The following NGEF variants were observed in gnomAD, a reference collection of about 807,000 sequenced individuals.
The protein encoded by NGEF is ephexin-1.
In NGEF, 31 loss-of-function variants were observed where a neutral mutation model predicts 80.9. That is an observed-to-expected ratio of 0.38 (90% confidence interval 0.29 to 0.52). NGEF has a LOEUF of 0.52. Ranked by LOEUF, NGEF falls within the 20% of genes least tolerant of loss-of-function variation. The probability of loss-of-function intolerance (pLI) is 0.84; values close to 1 mark genes in which losing one functional copy is unlikely to be tolerated. For missense variants in NGEF, 709 were observed against 926.2 expected, an observed-to-expected ratio of 0.77 and a Z score of 3.04; for synonymous variants, 371 against 370.2, an observed-to-expected ratio of 1.00 and a Z score of -0.03.
chr2:232,892,808 G>T lies in NGEF; in HGVS notation c.1142+90C>A, dbSNP rs1691924356. 1 of 1,383,036 alleles carries T rather than the reference G, an allele frequency of 7.2e-7. No individual in the cohort carries two copies. Among genetic ancestry groups the T allele is most frequent in the African/African-American group, 1.4e-5 (1 of 70,264 alleles). The allele number at this position is 1,383,036 out of a possible 1,614,324, so 85.7% of individuals were successfully genotyped here. On this transcript the variant is annotated intron_variant, in intron 7 of 14. Coordinates refer to ENST00000264051, the MANE Select transcript of NGEF (RefSeq NM_019850.3). This position sits in a 1 kb window ranked among gnomAD's most constrained non-coding sequence, Gnocchi z 4.0. Reference sequence around the variant, plus strand: ...GAACGCAGAGGTAAAGGACCATGAAGTGTCACCGTGTAAGGAGCCTGGGCC... The same window carrying T: ...GAACGCAGAGGTAAAGGACCATGAATTGTCACCGTGTAAGGAGCCTGGGCC...
At chr2:232,909,229 TTGAGTTTTATCTAGATGGTAA>T (rs1692642152) in intron 5 of NGEF, among the ~76,000 whole-genome samples, 1 of 152,240 alleles carries the variant, frequency 6.6e-6, no homozygotes, top group South Asian at 2.1e-4. Flanking sequence ...AAGTATCCCT[TTGAGTTTTATCTAGATGGTAA>T]TAGTGTACTC....
intron 3 of NGEF, among the ~76,000 whole-genome samples, chr2:232,963,413 T>C (rs1279737343): frequency 6.6e-6 from 1 of 151,942 alleles, no homozygotes; most frequent in Non-Finnish European, 1.5e-5. Flanking sequence ...GCAGAGTATC[T>C]TCATGACTTC....
chr2:232,920,452 T>C lies in NGEF; in HGVS notation c.660A>G (p.Glu220=), dbSNP rs1309075389. ...ASEDTPEEEE[E]EEEEEEPASP... is the part of the protein sequence containing the mutation. ...TGGCCGGCTCCTCCTCCTCCTCCTCTTCTTCTTCCTCCTCCGGGGTGTCCT... is the reference window on the plus strand; with the variant it reads ...TGGCCGGCTCCTCCTCCTCCTCCTCCTCTTCTTCCTCCTCCGGGGTGTCCT... The change falls in exon 5 of 15, where the codon GAA becomes GAG. Residue 220 remains glutamate, a synonymous_variant. Coordinates refer to ENST00000264051, the MANE Select transcript of NGEF (RefSeq NM_019850.3). 13 of 1,612,754 alleles carry C rather than the reference T, an allele frequency of 8.1e-6. No homozygotes were observed. The highest frequency in any genetic ancestry group is 2.3e-5 in the East Asian group (1 of 44,250).
At chr2:232,879,858 T>A (rs143461460) in intron 14 of NGEF, among the ~76,000 whole-genome samples, 179 bp from the exon 15 acceptor site, 2 of 152,252 alleles carry the variant, frequency 1.3e-5, no homozygotes, top group Non-Finnish European at 1.5e-5. Context: ...GTCACCCCCA[T>A]AAGCTGGGAG....
intron 3 of NGEF, among the ~76,000 whole-genome samples, chr2:232,936,201 T>C (rs1693320428): frequency 1.3e-5 from 2 of 152,224 alleles, no homozygotes; most frequent in African/African-American, 2.4e-5. Flanking sequence ...ATAAATTGTT[T>C]TGTTGTGTGG....
intron 7 of NGEF, among the ~76,000 whole-genome samples, chr2:232,891,964 AGG>A (rs1432850649): frequency 0.022 from 346 of 15,424 alleles, 5 homozygotes; most frequent in Middle Eastern, 0.043. Flanking sequence ...GCATGTCAGC[AGG>A]GATGGCAGGG....
At chr2:232,901,266 C>T (rs76800357) in intron 5 of NGEF, 58,901 of 633,658 alleles carry the variant, frequency 0.093, 2,874 homozygotes, top group South Asian at 0.21. Flanking sequence ...TGTCTGTCCT[C>T]GGAGTCCCAC....
intron 3 of NGEF, among the ~76,000 whole-genome samples, chr2:232,943,766 A>T (rs1458565977): frequency 2.0e-5 from 3 of 150,038 alleles, no homozygotes; most frequent in Non-Finnish European, 3.0e-5. Flanking sequence ...AAGTGCTGGG[A>T]TTACAGGCGT....
intron 4 of NGEF, 96 bp downstream of exon 4, chr2:232,926,948 T>G: frequency 6.6e-7 from 1 of 1,512,642 alleles, no homozygotes; most frequent in Admixed American, 1.8e-5. Flanking sequence ...GTCCTTCGTA[T>G]GAAACACAAC....
intron 4 of NGEF, among the ~76,000 whole-genome samples, chr2:232,921,063 A>G (rs1023035448): frequency 2.6e-5 from 4 of 152,182 alleles, no homozygotes; most frequent in African/African-American, 9.7e-5. Flanking sequence ...CATTTCATCA[A>G]TCTTATGATT....
intron 1 of NGEF, among the ~76,000 whole-genome samples, chr2:232,996,427 G>A (rs1258738078): frequency 6.6e-6 from 1 of 152,146 alleles, no homozygotes; most frequent in African/African-American, 2.4e-5. Context: ...TCTACCGAGG[G>A]CTGTTATGAG....
In NGEF at chr2:232,996,195, G is replaced by A. The variant is rs375288102; in HGVS notation, c.-75+16873C>T. Among the ~76,000 whole-genome samples, 395 of 152,214 alleles carry A rather than the reference G, an allele frequency of 2.6e-3. 3 individuals are homozygous for A. Among genetic ancestry groups the A allele is most frequent in the African/African-American group, 9.0e-3 (375 of 41,522 alleles). The stretch of plus-strand genomic sequence containing the variant: ...ATACAAAAATTAGCCGGGTGTGGTA[G>A]CACACATCTGTAATTCCAGCTACTC... On this transcript the variant is annotated intron_variant, in intron 1 of 14. Transcript: ENST00000264051.
intron 11 of NGEF, 45 bp from the exon 12 acceptor site, chr2:232,883,511 C>T (rs753317295): frequency 2.0e-6 from 3 of 1,497,388 alleles, no homozygotes; most frequent in Non-Finnish European, 1.8e-6. Flanking sequence ...CCGAGGAGGC[C>T]TGTGGGGGTC....
chr2:233,004,751 A>G (rs1489484622), intron 1 of NGEF, among the ~76,000 whole-genome samples: 1 of 142,378 alleles, frequency 7.0e-6, no homozygotes, highest in Non-Finnish European at 1.5e-5. Flanking sequence ...CTCACCCCCC[A>G]TCGCTGAGAA....
chr2:232,899,880 G>T (rs1443203719), intron 5 of NGEF, among the ~76,000 whole-genome samples: 10 of 107,708 alleles, frequency 9.3e-5, no homozygotes, highest in African/African-American at 3.7e-4. Flanking sequence ...TCATATACAC[G>T]TTCACTCACA....
intron 3 of NGEF, among the ~76,000 whole-genome samples, chr2:232,954,013 C>A (rs1369208537): frequency 3.3e-5 from 5 of 152,116 alleles, no homozygotes; most frequent in Non-Finnish European, 7.4e-5. Context: ...TGTTTTAGAG[C>A]CACTAACTAT....
At chr2:232,901,435 T>A (rs1301665633) in intron 5 of NGEF, 2 of 985,476 alleles carry the variant, frequency 2.0e-6, no homozygotes, top group Non-Finnish European at 2.4e-6. Flanking sequence ...TTTGGGTTGT[T>A]TTTTTGGCTT....
intron 5 of NGEF, among the ~76,000 whole-genome samples, chr2:232,898,832 G>C (rs1160436884): frequency 6.6e-6 from 1 of 152,226 alleles, no homozygotes; most frequent in Non-Finnish European, 1.5e-5. Context: ...GGGCGAGTGG[G>C]AATGAGTGTA....
At chr2:232,901,393 C>G (rs992506955) in intron 5 of NGEF, 1 of 985,500 alleles carries the variant, frequency 1.0e-6, no homozygotes, top group Non-Finnish European at 1.2e-6. Flanking sequence ...CAGGGTTCGC[C>G]GTGGACCTCT....
Sources: allele counts gnomAD v4.1 joint callset (sites outside exome capture counted in the v4.1 genomes callset), GRCh38; gene constraint gnomAD v4.1.1; non-coding constraint Gnocchi (gnomAD v3.1); transcripts MANE v1.5; gene names NCBI Gene and HGNC (gene_info 2026-07-23, HGNC 2026-07-21).